The following ARSB variants were observed in gnomAD, a reference collection of about 807,000 sequenced individuals.
The protein encoded by ARSB is arylsulfatase B.
In ARSB, 41 loss-of-function variants were observed where a neutral mutation model predicts 50.9. The observed-to-expected ratio is 0.81, with a 90% CI of 0.63 to 1.04. ARSB has a LOEUF of 1.04. Ranked by LOEUF, ARSB falls within the 50% of genes least tolerant of loss-of-function variation. ARSB has a pLI of 0.00. For synonymous variants in ARSB, 269 were observed against 284.8 expected (o/e 0.94, Z 0.56); for missense variants, 672 against 693.3 (o/e 0.97, Z 0.35).
chr5:78,849,839 C>A (rs1229829519), intron 5 of ARSB, among the ~76,000 whole-genome samples: 1 of 148,990 alleles, frequency 6.7e-6, no homozygotes, highest in Non-Finnish European at 1.5e-5. Flanking sequence ...AATGGGAGTT[C>A]ACTCATGATT....
chr5:78,980,432 A>C (rs928392498), intron 1 of ARSB, among the ~76,000 whole-genome samples: 1 of 152,246 alleles, frequency 6.6e-6, no homozygotes, highest in Non-Finnish European at 1.5e-5. Context: ...TCTTTGATAT[A>C]TCAAAAGGCT....
chr5:78,819,414 T>A (rs1744124635), intron 6 of ARSB, among the ~76,000 whole-genome samples: 1 of 152,244 alleles, frequency 6.6e-6, no homozygotes, highest in Non-Finnish European at 1.5e-5. Context: ...TGGGAAAATA[T>A]GAGGAAAGTC....
chr5:78,823,272 A>G (rs546471098), intron 6 of ARSB, among the ~76,000 whole-genome samples: 1 of 152,196 alleles, frequency 6.6e-6, no homozygotes, highest in East Asian at 1.9e-4. Context: ...TTGGAGACAC[A>G]GTAACTGACC....
chr5:78,876,209 A>G (rs1441313420), intron 5 of ARSB, among the ~76,000 whole-genome samples: 1 of 152,134 alleles, frequency 6.6e-6, no homozygotes, highest in Non-Finnish European at 1.5e-5. Context: ...AGAATGAAGA[A>G]GAAACTTGCT....
chr5:78,939,930 C>G (rs1047073398), intron 4 of ARSB, among the ~76,000 whole-genome samples: 1 of 152,220 alleles, frequency 6.6e-6, no homozygotes, highest in African/African-American at 2.4e-5. Flanking sequence ...TCTCCACATC[C>G]TCTCCAGCAC....
At chr5:78,798,510 C>A (rs1743263278) in intron 6 of ARSB, among the ~76,000 whole-genome samples, 1 of 152,122 alleles carries the variant, frequency 6.6e-6, no homozygotes, top group Non-Finnish European at 1.5e-5. Flanking sequence ...CCCCCCGCCC[C>A]CTACATGGCA....
rs1285061397 is a variant in ARSB at position 78,780,498 on chromosome 5, G to A, written c.1501C>T (p.Arg501Cys). The A allele has an allele frequency of 7.4e-6, 12 of 1,614,006 alleles. No homozygotes were observed. Among genetic ancestry groups the A allele is most frequent in the African/African-American group, 2.7e-5 (2 of 74,916 alleles). The change falls in exon 8 of 8, where the codon CGC becomes TGC. Residue 501 changes from arginine (R) to cysteine (C), a missense_variant. Coordinates refer to ENST00000264914, the MANE Select transcript of ARSB (RefSeq NM_000046.5). ...GAGTGTTTATGGTAGAACTGTAGGC[G>A]GGACAGGAGCTTTGTGACGATGTGA... ...YPHIVTKLLS[R>C]LQFYHKHSVP...
intron 4 of ARSB, among the ~76,000 whole-genome samples, chr5:78,903,522 A>T (rs943584147): frequency 6.6e-6 from 1 of 152,252 alleles, no homozygotes; most frequent in South Asian, 2.1e-4. Flanking sequence ...TTTATAAAAC[A>T]GTAGACCTCC....
At chr5:78,923,446 T>C (rs1236057367) in intron 4 of ARSB, among the ~76,000 whole-genome samples, 1 of 152,206 alleles carries the variant, frequency 6.6e-6, no homozygotes, top group Admixed American at 6.5e-5. Context: ...TAGCAGCAGC[T>C]GGAACAAAAT....
At chr5:78,946,283 T>C (rs1166975923) in intron 4 of ARSB, among the ~76,000 whole-genome samples, 2 of 152,110 alleles carry the variant, frequency 1.3e-5, no homozygotes, top group African/African-American at 4.8e-5. Flanking sequence ...GGCATCCAGA[T>C]TGGAAAGAAA....
chr5:78,803,672 T>C (rs1298351613), intron 6 of ARSB, among the ~76,000 whole-genome samples: 1 of 152,248 alleles, frequency 6.6e-6, no homozygotes, highest in African/African-American at 2.4e-5. Flanking sequence ...TCTGCTTCCC[T>C]GCTCAGGCTG....
At chr5:78,965,026 G>A (rs866840297) in intron 2 of ARSB, among the ~76,000 whole-genome samples, 1 of 152,178 alleles carries the variant, frequency 6.6e-6, no homozygotes, top group Non-Finnish European at 1.5e-5. Flanking sequence ...TGTTACTGAT[G>A]TTGCGAGACT....
chr5:78,948,392 A>G (rs1026227046), intron 4 of ARSB, among the ~76,000 whole-genome samples: 1 of 152,198 alleles, frequency 6.6e-6, no homozygotes, highest in Non-Finnish European at 1.5e-5. Flanking sequence ...CTGTATCAAA[A>G]TATCTCATGT....
intron 6 of ARSB, among the ~76,000 whole-genome samples, chr5:78,808,908 C>T (rs183018344): frequency 1.6e-4 from 25 of 152,322 alleles, no homozygotes; most frequent in South Asian, 8.3e-4. Flanking sequence ...CACAGCAAGA[C>T]GCCAATATGT....
intron 7 of ARSB, among the ~76,000 whole-genome samples, chr5:78,781,281 C>T (rs557513752): frequency 1.3e-5 from 2 of 151,732 alleles, no homozygotes; most frequent in Non-Finnish European, 2.9e-5. Flanking sequence ...CTTCCTTTCA[C>T]CCCTGCTACA....
intron 5 of ARSB, among the ~76,000 whole-genome samples, chr5:78,866,634 C>T (rs988482536): frequency 1.3e-5 from 2 of 152,114 alleles, no homozygotes; most frequent in Non-Finnish European, 2.9e-5. Context: ...AGGAAGTGTG[C>T]AGGACGAGAG....
At chr5:78,909,422 AC>A in intron 4 of ARSB, among the ~76,000 whole-genome samples, 1 of 152,332 alleles carries the variant, frequency 6.6e-6, no homozygotes. Context: ...AAAGGGAAAG[AC>A]ATAAGAAACT....
intron 6 of ARSB, among the ~76,000 whole-genome samples, chr5:78,814,798 T>C (rs1580995422): frequency 6.6e-6 from 1 of 150,880 alleles, no homozygotes; most frequent in Non-Finnish European, 1.5e-5. Context: ...CACCAGAAAT[T>C]CCTTGGATGT....
intron 6 of ARSB, among the ~76,000 whole-genome samples, chr5:78,799,020 G>A (rs757737711): frequency 6.6e-6 from 1 of 152,180 alleles, no homozygotes; most frequent in East Asian, 1.9e-4. Context: ...AGCAGCCCCC[G>A]AAAGTAAGGA....
Sources: gnomAD v4.1 joint callset for allele counts (sites outside exome capture counted in the v4.1 genomes callset) on GRCh38, gnomAD v4.1.1 for gene constraint, MANE v1.5 for transcripts, NCBI Gene and HGNC (gene_info 2026-07-23, HGNC 2026-07-21) for gene names.